HDAC9: variants seen among roughly 807,000 people sequenced by gnomAD.
HDAC9 encodes the protein histone deacetylase 9.
Under a neutral mutation model 139.4 loss-of-function variants are expected in HDAC9, and 41 were observed. The observed-to-expected ratio is 0.29, with a 90% CI of 0.23 to 0.38. The LOEUF is 0.38. HDAC9 is among the 10% of genes least tolerant of loss of function. The pLI is 1.00. For missense variants in HDAC9, 1,147 were observed against 1,297.0 expected, an observed-to-expected ratio of 0.88 and a Z score of 1.78; for synonymous variants, 517 against 476.2, an observed-to-expected ratio of 1.09 and a Z score of -1.12.
intron 1 of HDAC9, among the ~76,000 whole-genome samples, chr7:18,157,662 G>T (rs1017037608): frequency 1.5e-4 from 23 of 152,194 alleles, no homozygotes; most frequent in Non-Finnish European, 1.0e-4. Context: ...AAATGAAATA[G>T]AATCTAAGGT....
chr7:18,471,074 A>C (rs1239054936), intron 1 of HDAC9, among the ~76,000 whole-genome samples: 1 of 152,052 alleles, frequency 6.6e-6, no homozygotes, highest in Non-Finnish European at 1.5e-5. Context: ...CTCTGTTTCA[A>C]ATAATTGACC....
At chr7:18,657,578 A>C (rs926378589) in intron 11 of HDAC9, among the ~76,000 whole-genome samples, 2 of 152,202 alleles carry the variant, frequency 1.3e-5, no homozygotes, top group Non-Finnish European at 2.9e-5. Flanking sequence ...ACATAAAATT[A>C]TGCAGTGCTA....
chr7:18,459,106 G>A (rs1354704016), intron 1 of HDAC9, among the ~76,000 whole-genome samples: 1 of 152,104 alleles, frequency 6.6e-6, no homozygotes, highest in Non-Finnish European at 1.5e-5. Flanking sequence ...GTTACCAGCA[G>A]GTTACCAGCT....
chr7:18,909,369 T>G (rs1363609395), intron 22 of HDAC9, among the ~76,000 whole-genome samples: 1 of 152,058 alleles, frequency 6.6e-6, no homozygotes. Context: ...TTGATTGTTT[T>G]CTTTGCTCTG....
intron 2 of HDAC9, among the ~76,000 whole-genome samples, chr7:18,259,738 ATATT>A (rs1239629380): frequency 2.6e-5 from 4 of 152,200 alleles, no homozygotes; most frequent in African/African-American, 7.2e-5. Context: ...TTTTCAATAA[ATATT>A]GATTGAGGAA....
chr7:18,794,033 C>A (rs796708586), intron 17 of HDAC9, among the ~76,000 whole-genome samples: 1 of 152,138 alleles, frequency 6.6e-6, no homozygotes. Context: ...GAACAATGTC[C>A]AAACCCCAGC....
chr7:18,655,553 A>G (rs1184714981), intron 11 of HDAC9, among the ~76,000 whole-genome samples: 2 of 152,206 alleles, frequency 1.3e-5, no homozygotes, highest in Admixed American at 6.5e-5. Flanking sequence ...ATTTCACTAT[A>G]TAATTACAAG....
At chr7:18,936,325 G>T in intron 23 of HDAC9, among the ~76,000 whole-genome samples, 1 of 152,092 alleles carries the variant, frequency 6.6e-6, no homozygotes, top group East Asian at 1.9e-4. Flanking sequence ...AACTATTTTT[G>T]TCACCATTTA....
At chr7:18,347,626 GAC>G (rs1471994506) in intron 1 of HDAC9, among the ~76,000 whole-genome samples, 1 of 151,796 alleles carries the variant, frequency 6.6e-6, no homozygotes, top group Non-Finnish European at 1.5e-5. Flanking sequence ...TTATTTTTTA[GAC>G]AGAGTCTCAG....
At chr7:18,715,906 A>G (rs576961569) in intron 12 of HDAC9, among the ~76,000 whole-genome samples, 7 of 152,184 alleles carry the variant, frequency 4.6e-5, no homozygotes, top group African/African-American at 1.4e-4. Context: ...CAACTTCAGG[A>G]GTTTTATATC....
chr7:18,695,019 A>G (rs967742058), intron 12 of HDAC9, among the ~76,000 whole-genome samples: 1 of 152,164 alleles, frequency 6.6e-6, no homozygotes, highest in Admixed American at 6.5e-5. Context: ...GTCAAATTGT[A>G]TTTAGTCTGA....
At chr7:18,443,757 TACAC>T (rs1455379962) in intron 1 of HDAC9, among the ~76,000 whole-genome samples, 1 of 151,996 alleles carries the variant, frequency 6.6e-6, no homozygotes, top group East Asian at 1.9e-4. Flanking sequence ...TTTTAATTTG[TACAC>T]ACACAAACAT....
At chr7:18,341,394 A>G (rs1439896906) in intron 1 of HDAC9, among the ~76,000 whole-genome samples, 1 of 151,780 alleles carries the variant, frequency 6.6e-6, no homozygotes, top group Admixed American at 6.6e-5. Context: ...ATGCTCCCAC[A>G]TGTTGACAAT....
At chr7:18,676,899 A>T (rs574337953) in intron 12 of HDAC9, among the ~76,000 whole-genome samples, 1 of 151,994 alleles carries the variant, frequency 6.6e-6, no homozygotes, top group Non-Finnish European at 1.5e-5. Context: ...GGTTTTTGGC[A>T]TGCTGTTTAA....
chr7:18,806,057 A>C (rs1028214678), intron 17 of HDAC9, among the ~76,000 whole-genome samples: 8 of 152,186 alleles, frequency 5.3e-5, no homozygotes, highest in African/African-American at 1.9e-4. Context: ...ATGAGGCTGA[A>C]CTGGACTTTT....
chr7:18,136,300 G>T (rs1161213885), intron 1 of HDAC9, among the ~76,000 whole-genome samples: 33 of 151,982 alleles, frequency 2.2e-4, no homozygotes, highest in Non-Finnish European at 3.2e-4. Flanking sequence ...AGAAGCTCTT[G>T]AGTTTAATTA....
At chr7:18,895,261 T>C (rs936245577) in intron 22 of HDAC9, among the ~76,000 whole-genome samples, 1 of 152,022 alleles carries the variant, frequency 6.6e-6, no homozygotes, top group African/African-American at 2.4e-5. Flanking sequence ...GTAACCAGGA[T>C]TGAGTTAGAG....
chr7:18,412,050 AC>A (rs2092799853), intron 1 of HDAC9, among the ~76,000 whole-genome samples: 1 of 148,390 alleles, frequency 6.7e-6, no homozygotes, highest in Non-Finnish European at 1.5e-5. Context: ...CTGGTCTTGA[AC>A]TCCTGACCTC....
chr7:18,818,981 TAAAA>T (rs903115326), intron 17 of HDAC9, among the ~76,000 whole-genome samples: 9 of 148,294 alleles, frequency 6.1e-5, no homozygotes, highest in Non-Finnish European at 9.0e-5. Context: ...TATATGAAAT[TAAAA>T]AAAAAAATGT....
Sources: allele counts gnomAD v4.1 joint callset (sites outside exome capture counted in the v4.1 genomes callset), GRCh38; gene constraint gnomAD v4.1.1; transcripts MANE v1.5; gene names NCBI Gene and HGNC (gene_info 2026-07-23, HGNC 2026-07-21).